SH3RF3: variants seen among roughly 807,000 people sequenced by gnomAD.
SH3RF3 encodes SH3 domain containing ring finger 3, also known as E3 ubiquitin-protein ligase SH3RF3.
Under a neutral mutation model 66.3 loss-of-function variants are expected in SH3RF3, and 29 were observed. That is an observed-to-expected ratio of 0.44 (90% CI 0.33 to 0.60). The LOEUF (loss-of-function observed/expected upper bound fraction) is 0.60, where lower values mean the gene tolerates loss of function less well. Among genes scored for constraint, SH3RF3 ranks in the 20% least tolerant of loss-of-function variants. The pLI is 0.04. For missense variants in SH3RF3, 1,194 were observed against 1,190.9 expected (o/e 1.00, Z -0.04); for synonymous variants, 583 against 532.0 (o/e 1.10, Z -1.32).
At chr2:109,393,936 T>C (rs1350190007) in intron 3 of SH3RF3, among the ~76,000 whole-genome samples, 1 of 151,512 alleles carries the variant, frequency 6.6e-6, no homozygotes, top group Non-Finnish European at 1.5e-5. Flanking sequence ...GGGGTGACTA[T>C]ACTCTGGCGC....
chr2:109,482,446 C>T (rs576036245), intron 8 of SH3RF3, among the ~76,000 whole-genome samples: 5 of 152,312 alleles, frequency 3.3e-5, no homozygotes, highest in East Asian at 1.9e-4. Context: ...ACGCACTTCC[C>T]GCAGAACACC....
At chr2:109,372,886 C>T (rs1574604462) in intron 3 of SH3RF3, among the ~76,000 whole-genome samples, 1 of 152,224 alleles carries the variant, frequency 6.6e-6, no homozygotes, top group Non-Finnish European at 1.5e-5. Context: ...TGTGCAGATA[C>T]TTAAAGATGT....
chr2:109,256,410 AAGG>A (rs1373357965), intron 1 of SH3RF3, among the ~76,000 whole-genome samples: 5 of 152,176 alleles, frequency 3.3e-5, no homozygotes, highest in Non-Finnish European at 7.3e-5. Context: ...CCTCCCCTGC[AAGG>A]AAGGAGATGT....
intron 1 of SH3RF3, among the ~76,000 whole-genome samples, chr2:109,303,921 A>G (rs1681533234): frequency 1.3e-5 from 2 of 152,016 alleles, no homozygotes; most frequent in Admixed American, 1.3e-4. Flanking sequence ...TTACTATAAG[A>G]TATAACCCCG....
At chr2:109,376,369 T>G (rs2104359477) in intron 3 of SH3RF3, among the ~76,000 whole-genome samples, 1 of 152,224 alleles carries the variant, frequency 6.6e-6, no homozygotes, top group South Asian at 2.1e-4. Flanking sequence ...AGGAATCAGC[T>G]CGGGTTGGAG....
At position 109,215,166 on chromosome 2, in the gene SH3RF3, G is replaced by C. The variant is rs17035160; in HGVS notation, c.573+85053G>C. Among the ~76,000 whole-genome samples the C allele has an allele frequency of 3.0e-3, 452 of 152,264 alleles. 3 individuals carry two copies. The highest frequency in any genetic ancestry group is 0.01 in the African/African-American group (430 of 41,548). ...TGTCTTTCTGTGTTTCTCTCTCTCTGAGCATTGCTCAATTATGGAATAAGA... is the reference window on the plus strand; with the variant it reads ...TGTCTTTCTGTGTTTCTCTCTCTCTCAGCATTGCTCAATTATGGAATAAGA... On this transcript the variant is annotated intron_variant, in intron 1 of 9. Transcript: ENST00000309415.
At chr2:109,134,278 A>G (rs2104807053) in intron 1 of SH3RF3, among the ~76,000 whole-genome samples, 1 of 152,190 alleles carries the variant, frequency 6.6e-6, no homozygotes, top group Admixed American at 6.5e-5. Context: ...GTTTGGCTGG[A>G]TGGTTGGGAT....
chr2:109,273,196 GGCC>G (rs1295419370), intron 1 of SH3RF3, among the ~76,000 whole-genome samples: 1 of 152,218 alleles, frequency 6.6e-6, no homozygotes, highest in Non-Finnish European at 1.5e-5. Flanking sequence ...GAAGATCCTA[GGCC>G]TGTCCTGAGA....
At chr2:109,329,448 T>G (rs2105482686) in intron 1 of SH3RF3, among the ~76,000 whole-genome samples, 1 of 152,322 alleles carries the variant, frequency 6.6e-6, no homozygotes, top group East Asian at 1.9e-4. Flanking sequence ...AATCAGTGGC[T>G]TCAAATGGTT....
chr2:109,390,637 T>C (rs549120440), intron 3 of SH3RF3, among the ~76,000 whole-genome samples: 34 of 152,028 alleles, frequency 2.2e-4, no homozygotes, highest in African/African-American at 8.2e-4. Flanking sequence ...AAGGTGCAAG[T>C]GGGGGTGCGG....
intron 1 of SH3RF3, 102 bp downstream of exon 1, chr2:109,130,215 G>T: frequency 8.8e-7 from 1 of 1,130,594 alleles, no homozygotes; most frequent in South Asian, 4.1e-5. Flanking sequence ...GACCACGGGT[G>T]GTCCTGCGTT....
At chr2:109,483,040 A>T (rs1215419562) in intron 8 of SH3RF3, among the ~76,000 whole-genome samples, 1 of 152,060 alleles carries the variant, frequency 6.6e-6, no homozygotes, top group Non-Finnish European at 1.5e-5. Context: ...TTCATTGTAG[A>T]TCTTCTATTC....
chr2:109,422,917 A>T (rs1390322110), intron 5 of SH3RF3, among the ~76,000 whole-genome samples: 1 of 151,950 alleles, frequency 6.6e-6, no homozygotes, highest in Non-Finnish European at 1.5e-5. Flanking sequence ...GCAATGGAGG[A>T]GGTGGAGGAG....
chr2:109,363,244 T>A (rs1683087738), intron 2 of SH3RF3, among the ~76,000 whole-genome samples: 1 of 152,164 alleles, frequency 6.6e-6, no homozygotes, highest in Non-Finnish European at 1.5e-5. Context: ...TTTTTACTTT[T>A]TTAATTGGTT....
intron 9 of SH3RF3, among the ~76,000 whole-genome samples, chr2:109,493,688 A>G (rs1679187117): frequency 6.6e-6 from 1 of 151,808 alleles, no homozygotes; most frequent in South Asian, 2.1e-4. Flanking sequence ...CACACCATAC[A>G]CACACCACAC....
rs187530205 is a variant in SH3RF3, at chr2:109,238,869, C to G, written c.573+108756C>G. Among the ~76,000 whole-genome samples the G allele has an allele frequency of 7.4e-3, 1,122 of 152,210 alleles. 9 individuals carry two copies. Among genetic ancestry groups the G allele is most frequent in the South Asian group, 0.024 (115 of 4,816 alleles). ...TGGGGGGCAGTCCCTTCTCTCTGTC[C>G]CAAGGGAGGATACAGCTCCACTGTG... is the stretch of plus-strand genomic sequence containing the variant. On this transcript the variant is annotated intron_variant, in intron 1 of 9. Transcript: ENST00000309415.
chr2:109,165,456 G>A (rs1228599320), intron 1 of SH3RF3, among the ~76,000 whole-genome samples: 1 of 152,192 alleles, frequency 6.6e-6, no homozygotes, highest in Non-Finnish European at 1.5e-5. Flanking sequence ...AAGTTTGGAT[G>A]GAAGGGGAAT....
intron 1 of SH3RF3, among the ~76,000 whole-genome samples, chr2:109,315,838 A>C (rs961912931): frequency 6.6e-6 from 1 of 152,088 alleles, no homozygotes; most frequent in Non-Finnish European, 1.5e-5. Context: ...ATGACCTTTG[A>C]TCTTACCTGT....
chr2:109,139,641 T>C (rs986288647), intron 1 of SH3RF3, among the ~76,000 whole-genome samples: 3 of 152,222 alleles, frequency 2.0e-5, no homozygotes, highest in Admixed American at 2.0e-4. Flanking sequence ...TTGACTTGTG[T>C]ACAGTAACAA....
Sources: allele counts gnomAD v4.1 joint callset (sites outside exome capture counted in the v4.1 genomes callset), GRCh38; gene constraint gnomAD v4.1.1; transcripts MANE v1.5; gene names NCBI Gene and HGNC (gene_info 2026-07-23, HGNC 2026-07-21).